The following TENM2 variants were observed in gnomAD, a reference collection of about 807,000 sequenced individuals.
The protein encoded by TENM2 is teneurin-2.
TENM2 carries 52 observed loss-of-function variants against 245.2 expected under a neutral mutation model. That is an observed-to-expected ratio of 0.21 (90% CI 0.17 to 0.27). The LOEUF is 0.27. TENM2 is among the 10% of genes least tolerant of loss of function. The probability of loss-of-function intolerance (pLI) is 1.00; values close to 1 mark genes in which losing one functional copy is unlikely to be tolerated. For missense variants in TENM2, 3,046 were observed against 3,666.8 expected, an observed-to-expected ratio of 0.83 and a Z score of 4.37; for synonymous variants, 1,363 against 1,438.9, an observed-to-expected ratio of 0.95 and a Z score of 1.19.
chr5:167,927,208 A>C (rs1212513222), intron 3 of TENM2, among the ~76,000 whole-genome samples: 1 of 152,146 alleles, frequency 6.6e-6, no homozygotes, highest in African/African-American at 2.4e-5. Flanking sequence ...CATAATTTAA[A>C]AGTCACCCTT....
At position 168,124,986 on chromosome 5, in the gene TENM2, G is replaced by A. The variant is rs1333891430; in HGVS notation, c.2145G>A (p.Thr715=). 6.8e-6 allele frequency: 11 copies of A among 1,611,026 alleles called. 1 individual carries two copies. In the Middle Eastern group the frequency reaches 4.9e-4, roughly 72 times the overall value. ...CAGACCAGTGCAGTGGGCATGGCAC[G>A]TACCTGCCTGACACGGGCCTCTGCA... is the stretch of plus-strand genomic sequence containing the variant. Residue 715 remains threonine (T), a synonymous_variant, in exon 11 of 29, where the codon ACG becomes ACA. Transcript: ENST00000518659.
At chr5:167,063,467 T>G in the TENM2 span, among the ~76,000 whole-genome samples, 4 of 152,218 alleles carry the variant, frequency 2.6e-5, no homozygotes, top group Non-Finnish European at 5.9e-5. Context: ...TGTCTGTGTA[T>G]CTGCATTTTC....
intron 2 of TENM2, among the ~76,000 whole-genome samples, chr5:167,691,411 G>A (rs1757422577): frequency 6.6e-6 from 1 of 152,328 alleles, no homozygotes; most frequent in South Asian, 2.1e-4. Flanking sequence ...TTCAAGGGAA[G>A]GAAGTAGACA....
intron 7 of TENM2, among the ~76,000 whole-genome samples, chr5:168,062,747 T>G (rs187806155): frequency 6.6e-6 from 1 of 152,280 alleles, no homozygotes; most frequent in African/African-American, 2.4e-5. Flanking sequence ...AAAAACACTA[T>G]GCAAAGTGAA....
intron 2 of TENM2, among the ~76,000 whole-genome samples, chr5:167,828,505 G>A (rs977500679): frequency 3.9e-5 from 6 of 152,174 alleles, no homozygotes; most frequent in Admixed American, 2.0e-4. Flanking sequence ...GTTTGATGCT[G>A]CGTCCTCAGC....
At chr5:167,450,568 T>C (rs368868291) in intron 2 of TENM2, among the ~76,000 whole-genome samples, 2 of 152,320 alleles carry the variant, frequency 1.3e-5, no homozygotes, top group African/African-American at 4.8e-5. Flanking sequence ...GCTTATTCTT[T>C]GACTTTTTTA....
chr5:167,629,229 C>T (rs1778709669), intron 2 of TENM2, among the ~76,000 whole-genome samples: 2 of 152,266 alleles, frequency 1.3e-5, no homozygotes, highest in South Asian at 4.1e-4. Flanking sequence ...AGGTTCAAAT[C>T]CTGGTTTACT....
At chr5:167,126,229 C>A in the TENM2 span, among the ~76,000 whole-genome samples, 20 of 152,132 alleles carry the variant, frequency 1.3e-4, no homozygotes, top group East Asian at 2.3e-3. Flanking sequence ...GAGGATAGAG[C>A]GTGGGCTTAG....
intron 1 of TENM2, among the ~76,000 whole-genome samples, chr5:167,340,508 A>G (rs1402608626): frequency 6.6e-6 from 1 of 152,150 alleles, no homozygotes; most frequent in African/African-American, 2.4e-5. Flanking sequence ...GATGACAGAG[A>G]GAGGTTTGGT....
chr5:168,182,245 A>G (rs1229636596), intron 13 of TENM2, among the ~76,000 whole-genome samples: 2 of 152,174 alleles, frequency 1.3e-5, no homozygotes, highest in African/African-American at 2.4e-5. Flanking sequence ...AAGCCCAAAT[A>G]CTTTCAATTA....
chr5:167,585,802 C>T (rs1212704951), intron 2 of TENM2, among the ~76,000 whole-genome samples: 2 of 152,070 alleles, frequency 1.3e-5, no homozygotes, highest in Non-Finnish European at 2.9e-5. Flanking sequence ...ATTCAACCAA[C>T]CATAGATTGA....
chr5:167,063,039 C>A, the TENM2 span, among the ~76,000 whole-genome samples: 1 of 152,170 alleles, frequency 6.6e-6, no homozygotes, highest in Non-Finnish European at 1.5e-5. Flanking sequence ...CAACTGGTTT[C>A]TTTCTTCTCA....
chr5:167,193,429 ACT>A, the TENM2 span, among the ~76,000 whole-genome samples: 1 of 149,770 alleles, frequency 6.7e-6, no homozygotes, highest in South Asian at 2.1e-4. Flanking sequence ...TTAAGTGGAG[ACT>A]CTGAGTTCTT....
chr5:167,590,353 G>A (rs540127672), intron 2 of TENM2, among the ~76,000 whole-genome samples: 74 of 151,728 alleles, frequency 4.9e-4, no homozygotes, highest in Admixed American at 1.1e-3. Flanking sequence ...CAATAAATGC[G>A]TACTATATTT....
rs1287349268 is a variant in TENM2, at chr5:168,239,794, AT to A, written c.5521-4624del. ...ATATGTACATCTATACACACATATGATTATATTATGGTTATATATGTGATTT... is the reference window on the plus strand; with the variant it reads ...ATATGTACATCTATACACACATATGATATATTATGGTTATATATGTGATTT... On this transcript the variant is annotated intron_variant, in intron 25 of 28. Coordinates refer to ENST00000518659, the Ensembl canonical transcript of TENM2. Among the ~76,000 whole-genome samples the A allele has an allele frequency of 2.5e-4, 38 of 152,198 alleles. 1 individual carries two copies.
chr5:167,719,154 T>C lies in TENM2; in HGVS notation c.503-156832T>C, dbSNP rs558163999. 7.2e-5 allele frequency among the ~76,000 whole-genome samples: 11 copies of C among 152,318 alleles called. No individual in the cohort carries two copies. In the East Asian group the frequency reaches 1.5e-3, roughly 21 times the overall value. On this transcript the variant is annotated intron_variant, in intron 2 of 28. Coordinates refer to ENST00000518659, the Ensembl canonical transcript of TENM2. ...AGGTTGGGAATGTAGTTAAAGTAGA[T>C]GAGAAGAAGGAAATTCTTTGTCAAA...
rs143875747 is a variant in TENM2 at position 167,731,044 on chromosome 5, TTTGA to T, written c.503-144937_503-144934del. Reference sequence around the variant, plus strand: ...GTGTAGATGTGGATGCAAGGATTCTTTTGATTGAAACATGTCCTTAGTTTCCATG... The same window carrying T: ...GTGTAGATGTGGATGCAAGGATTCTTTTGAAACATGTCCTTAGTTTCCATG... On this transcript the variant is annotated intron_variant, in intron 2 of 28. Coordinates refer to ENST00000518659, the Ensembl canonical transcript of TENM2. Among the ~76,000 whole-genome samples the T allele has an allele frequency of 1.8e-4, 27 of 151,100 alleles. No individual in the cohort carries two copies. The East Asian group carries it at 5.3e-3, about 30-fold the overall frequency.
chr5:167,605,062 C>T (rs952144924), intron 2 of TENM2, among the ~76,000 whole-genome samples: 3 of 152,146 alleles, frequency 2.0e-5, no homozygotes, highest in African/African-American at 7.2e-5. Context: ...AAGGTCATCC[C>T]TTGTCAGTGC....
At chr5:167,348,351 A>C (rs1322358694) in intron 1 of TENM2, among the ~76,000 whole-genome samples, 1 of 152,174 alleles carries the variant, frequency 6.6e-6, no homozygotes, top group African/African-American at 2.4e-5. Context: ...ATATTTGTGC[A>C]TGAAGAAAGG....
Sources: gnomAD v4.1 joint callset for allele counts (sites outside exome capture counted in the v4.1 genomes callset) on GRCh38, gnomAD v4.1.1 for gene constraint, MANE v1.5 for transcripts, NCBI Gene and HGNC (gene_info 2026-07-23, HGNC 2026-07-21) for gene names.